Variants in IQSEC2 observed in about 807,000 individuals in gnomAD.
The protein encoded by IQSEC2 is IQ motif and SEC7 domain-containing protein 2.
IQSEC2 carries 6 observed loss-of-function variants against 74.6 expected under a neutral mutation model. The ratio of observed to expected loss-of-function variants is 0.08; its 90% CI spans 0.04 to 0.16. IQSEC2 has a LOEUF of 0.16. Among genes scored for constraint, IQSEC2 ranks in the 10% least tolerant of loss-of-function variants. IQSEC2 has a pLI of 1.00. For missense variants in IQSEC2, 734 were observed against 1,306.2 expected, an observed-to-expected ratio of 0.56 and a Z score of 6.75; for synonymous variants, 494 against 544.5, an observed-to-expected ratio of 0.91 and a Z score of 1.29.
intron 4 of IQSEC2, 142 bp downstream of exon 4, chrX:53,254,388 C>T (rs183303591): frequency 6.4e-6 from 3 of 466,983 alleles, no homozygotes; most frequent in Admixed American, 4.6e-5. Context: ...ATTATTCTCA[C>T]AGTCCCAACT....
chrX:53,316,530 T>G (rs1351110772), intron 1 of IQSEC2, among the ~76,000 whole-genome samples: 1 of 110,849 alleles, frequency 9.0e-6, no homozygotes, highest in Non-Finnish European at 1.9e-5. Context: ...TACACTGCCC[T>G]AGCTGTCAAG....
In IQSEC2 at chrX:53,234,711, A is replaced by G. The variant is rs1170775014; in HGVS notation, c.3975T>C (p.His1325=). ...AGTGTTGGGGCCCTGGGACTGGGCC[A>G]TGGGCGTGGAAGTGGCGATGTGGCC... ...PVGPHRHFHA[H]GPVPGPQHYT... The change falls in exon 15 of 15, where the codon CAT becomes CAC. Residue 1325 remains histidine (H), a synonymous_variant. Coordinates refer to ENST00000642864, the MANE Select transcript of IQSEC2 (RefSeq NM_001111125.3). 3 of 1,104,432 alleles carry G rather than the reference A, an allele frequency of 2.7e-6. No homozygotes were observed. Among genetic ancestry groups the G allele is most frequent in the Non-Finnish European group, 3.6e-6 (3 of 838,410 alleles). The allele number at this position is 1,104,432 out of a possible 1,213,427, so 91.0% of individuals were successfully genotyped here.
At chrX:53,311,500 T>C (rs1215983840) in intron 1 of IQSEC2, among the ~76,000 whole-genome samples, 1 of 111,641 alleles carries the variant, frequency 9.0e-6, no homozygotes, top group Non-Finnish European at 1.9e-5. Context: ...TAGACTGCTG[T>C]ACCAGCCTCC....
intron 2 of IQSEC2, among the ~76,000 whole-genome samples, chrX:53,271,890 G>T (rs1556868723): frequency 1.8e-5 from 2 of 111,455 alleles, no homozygotes; most frequent in Non-Finnish European, 3.8e-5. Flanking sequence ...GAAAGCCATG[G>T]ACCATCTCTT....
At chrX:53,311,846 G>A (rs1312724361) in intron 1 of IQSEC2, among the ~76,000 whole-genome samples, 16 of 111,923 alleles carry the variant, frequency 1.4e-4, no homozygotes, top group African/African-American at 4.2e-4. Context: ...AACCTGGGGC[G>A]GGGAAGAGGC....
chrX:53,268,979 G>C (rs1439469211), intron 2 of IQSEC2, among the ~76,000 whole-genome samples: 1 of 112,288 alleles, frequency 8.9e-6, no homozygotes, highest in Non-Finnish European at 1.9e-5. Context: ...CTGGTGCTTA[G>C]TGCATGGTAA....
chrX:53,278,631 A>G (rs1363175211), intron 2 of IQSEC2, among the ~76,000 whole-genome samples: 1 of 112,213 alleles, frequency 8.9e-6, no homozygotes, highest in Non-Finnish European at 1.9e-5. Flanking sequence ...GTTCTTTAAT[A>G]AAAGCAATTA....
At chrX:53,278,096 C>T (rs1346603521) in intron 2 of IQSEC2, among the ~76,000 whole-genome samples, 4 of 101,179 alleles carry the variant, frequency 4.0e-5, no homozygotes, top group South Asian at 4.6e-4. Flanking sequence ...CTGCAAGCTC[C>T]GCCTCCCGGG....
At chrX:53,296,258 C>T (rs2075151619) in intron 1 of IQSEC2, among the ~76,000 whole-genome samples, 1 of 111,399 alleles carries the variant, frequency 9.0e-6, no homozygotes, top group Admixed American at 9.5e-5. Flanking sequence ...TGGTCTCGAA[C>T]TCCCGACCTC....
At chrX:53,263,693 G>A (rs1186364957) in intron 2 of IQSEC2, among the ~76,000 whole-genome samples, 1 of 111,638 alleles carries the variant, frequency 9.0e-6, no homozygotes, top group Non-Finnish European at 1.9e-5. Context: ...TGGGCAGGTT[G>A]GTCCTTCTGG....
Position 53,278,011 on chromosome X carries a change from T to C in IQSEC2, c.737+13884A>G, listed in dbSNP as rs1469688554. On this transcript the variant is annotated intron_variant, in intron 2 of 14. Transcript: ENST00000642864. ...TCTTTTCTTTTCTTTTTCTTTTTTT[T>C]TTTTTTTTTTTTTTTTTGAGACGGA... 4.9e-3 allele frequency among the ~76,000 whole-genome samples: 371 copies of C among 75,262 alleles called. 1 individual carries two copies. The highest frequency in any genetic ancestry group is 0.018 in the African/African-American group (354 of 19,573). 65.4% of individuals were successfully genotyped at this position (75,262 alleles called of 115,157 possible). A position where few individuals can be genotyped will look rare whatever the true frequency, so the allele number is the denominator to read the frequency against.
At chrX:53,278,003 CTTTTTTT>C (rs36027805) in intron 2 of IQSEC2, among the ~76,000 whole-genome samples, 2 of 37,570 alleles carry the variant, frequency 5.3e-5, no homozygotes, top group African/African-American at 2.4e-4. Context: ...TTTTCTTTTT[CTTTTTTT>C]TTTTTTTTTT....
chrX:53,281,431 C>A, intron 2 of IQSEC2: 1 of 626,855 alleles, frequency 1.6e-6, no homozygotes, highest in Non-Finnish European at 2.4e-6. Context: ...AATCAGTAGC[C>A]CAGGGACTGG....
In IQSEC2 at chrX:53,294,083, T is replaced by C. The variant is rs782351754; in HGVS notation, c.708-2159A>G. On this transcript the variant is annotated intron_variant, in intron 1 of 14. Coordinates refer to ENST00000642864, the MANE Select transcript of IQSEC2 (RefSeq NM_001111125.3). ...CGCACTATGACGGTGAGTTCCCTTA[T>C]CTTCATTCCTCAATATCAAGCCAGA... is the stretch of plus-strand genomic sequence containing the variant. 3.6e-5 allele frequency among the ~76,000 whole-genome samples: 4 copies of C among 111,645 alleles called. No homozygotes were observed. In the South Asian group the frequency reaches 1.5e-3, roughly 42 times the overall value.
chrX:53,267,203 T>C (rs1261044859), intron 2 of IQSEC2: 13 of 946,052 alleles, frequency 1.4e-5, no homozygotes, highest in Non-Finnish European at 1.8e-5. Flanking sequence ...GGGGTCAGGG[T>C]GGGGAGGCCA....
intron 9 of IQSEC2, among the ~76,000 whole-genome samples, chrX:53,243,117 G>A (rs953751611): frequency 3.6e-5 from 4 of 112,147 alleles, no homozygotes; most frequent in Admixed American, 1.9e-4. Context: ...AGCCGGAGGT[G>A]AAAAGGATGC....
chrX:53,278,905 T>C lies in IQSEC2; in HGVS notation c.737+12990A>G, dbSNP rs374669359. Reference sequence around the variant, plus strand: ...AGAAATAATGTTTTCCAGCCGGGTGTGGTGGCTCACACCTGTAATCCCAAC... The same window carrying C: ...AGAAATAATGTTTTCCAGCCGGGTGCGGTGGCTCACACCTGTAATCCCAAC... On this transcript the variant is annotated intron_variant, in intron 2 of 14. Coordinates refer to ENST00000642864, the MANE Select transcript of IQSEC2 (RefSeq NM_001111125.3). 1.1e-3 allele frequency among the ~76,000 whole-genome samples: 123 copies of C among 112,333 alleles called. 2 individuals are homozygous for C. The highest frequency in any genetic ancestry group is 3.6e-3 in the African/African-American group (113 of 30,974).
intron 2 of IQSEC2, among the ~76,000 whole-genome samples, chrX:53,270,896 G>A (rs1380705242): frequency 2.7e-5 from 3 of 110,373 alleles, no homozygotes; most frequent in African/African-American, 6.6e-5. Context: ...CCATCTCCTC[G>A]GCTCTATGCC....
Position 53,250,450 on chromosome X carries a change from A to C in IQSEC2, c.2126T>G (p.Ile709Ser). The C allele has an allele frequency of 8.3e-7, 1 of 1,211,188 alleles. No individual in the cohort carries two copies. The highest frequency in any genetic ancestry group is 1.1e-6 in the Non-Finnish European group (1 of 895,232). ...AGAAGAGGAGCCGGAGCTGCAGTTG[A>C]TGGTCTCATTGGAATTGCTGGAGCT... is the stretch of plus-strand genomic sequence containing the variant. ...LESSSNSNETINCSSGSSSRD... is the reference protein window; with the variant it reads ...LESSSNSNETSNCSSGSSSRD... Residue 709 changes from isoleucine to serine, a missense_variant, in exon 5 of 15, where the codon ATC becomes AGC. Ile to Ser is a moderately radical substitution (Grantham distance 142). This residue lies in a region of IQSEC2 where 204 missense variants were observed against 305.4 expected (regional missense o/e 0.67). Coordinates refer to ENST00000642864, the MANE Select transcript of IQSEC2 (RefSeq NM_001111125.3).
Sources: gnomAD v4.1 joint callset for allele counts (sites outside exome capture counted in the v4.1 genomes callset) on GRCh38, gnomAD v4.1.1 for gene constraint, gnomAD v4.1.1 regional missense constraint, MANE v1.5 for transcripts, NCBI Gene and HGNC (gene_info 2026-07-23, HGNC 2026-07-21) for gene names.